The following DCDC1 variants were observed in gnomAD, a reference collection of about 807,000 sequenced individuals.
The protein encoded by DCDC1 is doublecortin domain-containing protein 1.
A neutral mutation model predicts 178.3 loss-of-function variants in DCDC1; 200 were observed. That is an observed-to-expected ratio of 1.12 (90% CI 1.00 to 1.26). The LOEUF (loss-of-function observed/expected upper bound fraction) is 1.26, where lower values mean the gene tolerates loss of function less well. Among genes scored for constraint, DCDC1 ranks in the 50% most tolerant of loss-of-function variants. The pLI is 0.00. For synonymous variants in DCDC1, 690 were observed against 604.8 expected (o/e 1.14, Z -2.07); for missense variants, 1,983 against 1,749.2 (o/e 1.13, Z -2.38).
intron 9 of DCDC1, among the ~76,000 whole-genome samples, chr11:31,213,612 C>CTGA (rs1973129424): frequency 6.6e-6 from 1 of 151,496 alleles, no homozygotes; most frequent in African/African-American, 2.4e-5. Context: ...CCCAGCTATT[C>CTGA]AGGAGGCTGA....
chr11:31,290,724 C>G lies in DCDC1; in HGVS notation c.883G>C (p.Val295Leu). Residue 295 changes from valine to leucine, a missense_variant, in exon 7 of 39, where the codon GTC becomes CTC. Transcript: ENST00000684477. Reference protein sequence around the residue: ...RMKKLTERTSVRILFFKNGMG... With the variant: ...RMKKLTERTSLRILFFKNGMG... Reference sequence around the variant, plus strand: ...CCATTCTTAAAGAACAGAATTCGGACTGAGGTCCTCTCAGTAAGTTTCTTC... The same window carrying G: ...CCATTCTTAAAGAACAGAATTCGGAGTGAGGTCCTCTCAGTAAGTTTCTTC... 6.2e-7 allele frequency: 1 copy of G among 1,613,522 alleles called. No homozygotes were observed. The highest frequency in any genetic ancestry group is 8.5e-7 in the Non-Finnish European group (1 of 1,179,584).
rs1952717860 is a variant in DCDC1 at position 31,019,445 on chromosome 11, CAATA to C, written c.2591+45020_2591+45023del. Reference sequence around the variant, plus strand: ...AGTGAGATAAGTTCTAAGAAAAAATCAATAGGGTGATATCTAAAGAGTACCAGGG... The same window carrying C: ...AGTGAGATAAGTTCTAAGAAAAAATCGGGTGATATCTAAAGAGTACCAGGG... On this transcript the variant is annotated intron_variant, in intron 20 of 38. Coordinates refer to ENST00000684477, the MANE Select transcript of DCDC1 (RefSeq NM_001387274.1). Among the ~76,000 whole-genome samples, 3 of 148,512 alleles carry C rather than the reference CAATA, an allele frequency of 2.0e-5. No homozygotes were observed. The South Asian group carries it at 6.7e-4, about 33-fold the overall frequency.
At position 31,241,597 on chromosome 11, in the gene DCDC1, G is replaced by T. The variant is rs1977140571; in HGVS notation, c.1074C>A (p.Cys358Ter). 1 of 397,178 alleles carries T rather than the reference G, an allele frequency of 2.5e-6. No individual in the cohort carries two copies. The highest frequency in any genetic ancestry group is 4.4e-6 in the Non-Finnish European group (1 of 224,800). The allele number at this position is 397,178 out of a possible 1,614,324, so 24.6% of individuals were successfully genotyped here. Residue 358 changes from cysteine to a stop codon, truncating the protein, a stop_gained, in exon 9 of 39, where the codon TGC becomes TGA. Transcript: ENST00000684477. LOFTEE classifies it high-confidence loss of function. ...GCAAAGGTGTGATGGAATTTTGCAGGCATTTTTCAAGCAGAGGAACTATGC... is the reference window on the plus strand; with the variant it reads ...GCAAAGGTGTGATGGAATTTTGCAGTCATTTTTCAAGCAGAGGAACTATGC... Reference protein sequence around the residue: ...DISKVPLLEKCLQNSITPLRG... With the variant: ...DISKVPLLEK
chr11:31,132,497 G>A (rs1962572194), intron 10 of DCDC1, among the ~76,000 whole-genome samples: 1 of 151,972 alleles, frequency 6.6e-6, no homozygotes, highest in Non-Finnish European at 1.5e-5. Flanking sequence ...TCTTCAACGT[G>A]AATCTTTTTT....
At chr11:31,348,612 C>A (rs1388993473) in intron 1 of DCDC1, among the ~76,000 whole-genome samples, 1 of 152,138 alleles carries the variant, frequency 6.6e-6, no homozygotes, top group Non-Finnish European at 1.5e-5. Context: ...ATCCCCATAC[C>A]ACAGTGGAAG....
intron 6 of DCDC1, among the ~76,000 whole-genome samples, chr11:31,298,997 G>A (rs1947904872): frequency 1.3e-5 from 2 of 152,198 alleles, no homozygotes; most frequent in Non-Finnish European, 2.9e-5. Flanking sequence ...TTTCATGAAT[G>A]CAAGATGAGT....
intron 21 of DCDC1, chr11:30,943,313 A>G (rs2134405557): frequency 6.3e-6 from 1 of 157,564 alleles, no homozygotes; most frequent in East Asian, 1.9e-4. Flanking sequence ...TGCTATTAAC[A>G]ATATAATATA....
intron 20 of DCDC1, among the ~76,000 whole-genome samples, chr11:30,981,411 T>C (rs1435020358): frequency 1.3e-5 from 2 of 152,152 alleles, no homozygotes; most frequent in African/African-American, 4.8e-5. Context: ...TGTAAAGGAA[T>C]AGAATGGCAT....
At chr11:31,163,930 T>C (rs1966540074) in intron 9 of DCDC1, among the ~76,000 whole-genome samples, 2 of 152,154 alleles carry the variant, frequency 1.3e-5, no homozygotes, top group Admixed American at 6.5e-5. Context: ...CTTTCACTTC[T>C]TTTTTAGATA....
intron 9 of DCDC1, among the ~76,000 whole-genome samples, chr11:31,212,223 T>C (rs1401225626): frequency 6.6e-6 from 1 of 152,084 alleles, no homozygotes; most frequent in Non-Finnish European, 1.5e-5. Flanking sequence ...TCTGTATGAA[T>C]GAAAAATTTC....
intron 21 of DCDC1, chr11:30,944,381 T>C (rs1184677458): frequency 4.4e-6 from 2 of 455,370 alleles, no homozygotes; most frequent in African/African-American, 4.0e-5. Context: ...ATAGTAAAGT[T>C]GGAAACTTAA....
chr11:31,037,074 C>T (rs984188048), intron 20 of DCDC1, among the ~76,000 whole-genome samples: 3 of 152,174 alleles, frequency 2.0e-5, no homozygotes, highest in Admixed American at 6.5e-5. Context: ...ACCATTCTAC[C>T]ACACTGCCTT....
At position 30,920,951 on chromosome 11, in the gene DCDC1, C is replaced by T. The variant is rs1189194869; in HGVS notation, c.3134-16G>A. On this transcript the variant is annotated splice_polypyrimidine_tract_variant and intron_variant, in intron 24 of 38. Coordinates refer to ENST00000684477, the MANE Select transcript of DCDC1 (RefSeq NM_001387274.1). ...AAAACAAGAGCTGAGCAGAAATTCA[C>T]AAATTGCAAAGACATATTACTTACA... is the stretch of plus-strand genomic sequence containing the variant. The T allele has an allele frequency of 1.3e-6, 2 of 1,599,608 alleles. No individual in the cohort carries two copies. The highest frequency in any genetic ancestry group is 1.7e-6 in the Non-Finnish European group (2 of 1,172,276).
intron 27 of DCDC1, 114 bp from the exon 28 acceptor site, chr11:30,911,534 A>G: frequency 1.3e-6 from 1 of 761,900 alleles, no homozygotes; most frequent in Non-Finnish European, 2.3e-6. Flanking sequence ...GTAATAATGA[A>G]TGTGAATCCT....
In DCDC1 at chr11:31,314,084, T is replaced by G. The variant is rs561701107; in HGVS notation, c.165-6176A>C. On this transcript the variant is annotated intron_variant, in intron 3 of 38. Coordinates refer to ENST00000684477, the MANE Select transcript of DCDC1 (RefSeq NM_001387274.1). ...CATGAAGGAATGTGCTTCCTCCCTGTGCATCCACACCTGCCCTGGATGATT... is the reference window on the plus strand; with the variant it reads ...CATGAAGGAATGTGCTTCCTCCCTGGGCATCCACACCTGCCCTGGATGATT... Among the ~76,000 whole-genome samples the G allele has an allele frequency of 4.6e-5, 7 of 152,334 alleles. No homozygotes were observed. In the East Asian group the frequency reaches 1.3e-3, roughly 29 times the overall value.
chr11:31,067,263 C>A (rs1310432272), intron 18 of DCDC1, among the ~76,000 whole-genome samples: 2 of 151,496 alleles, frequency 1.3e-5, no homozygotes, highest in African/African-American at 4.8e-5. Context: ...GACAAATAAC[C>A]CGATGAAAAT....
chr11:31,159,287 G>A (rs571597286), intron 9 of DCDC1, among the ~76,000 whole-genome samples: 1 of 152,158 alleles, frequency 6.6e-6, no homozygotes, highest in South Asian at 2.1e-4. Flanking sequence ...TAGGTTTATT[G>A]GCAAAATATT....
intron 9 of DCDC1, among the ~76,000 whole-genome samples, chr11:31,177,529 A>C (rs1330808408): frequency 6.6e-6 from 1 of 152,204 alleles, no homozygotes; most frequent in Non-Finnish European, 1.5e-5. Context: ...TCCATCAGTA[A>C]TAATCTTCAA....
At chr11:30,938,600 C>A (rs1947428281) in intron 21 of DCDC1, among the ~76,000 whole-genome samples, 1 of 152,124 alleles carries the variant, frequency 6.6e-6, no homozygotes, top group African/African-American at 2.4e-5. Context: ...CAGCAGAGAG[C>A]ATAACCCATC....
Sources: allele counts gnomAD v4.1 joint callset (sites outside exome capture counted in the v4.1 genomes callset), GRCh38; gene constraint gnomAD v4.1.1; transcripts MANE v1.5; gene names NCBI Gene and HGNC (gene_info 2026-07-23, HGNC 2026-07-21).